MAP4K5: variants seen among roughly 807,000 people sequenced by gnomAD.
MAP4K5 encodes MAPK/ERK kinase kinase kinase 5.
In MAP4K5, 82 loss-of-function variants were observed where a neutral mutation model predicts 135.6. That is an observed-to-expected ratio of 0.60 (90% CI 0.51 to 0.73). The LOEUF (loss-of-function observed/expected upper bound fraction) is 0.73. Ranked by LOEUF, MAP4K5 falls within the 30% of genes least tolerant of loss-of-function variation. The pLI is 0.00. For missense variants in MAP4K5, 907 were observed against 1,010.9 expected (o/e 0.90, Z 1.39); for synonymous variants, 347 against 335.0 (o/e 1.04, Z -0.39).
At chr14:50,487,452 A>G (rs1432398028) in intron 3 of MAP4K5, among the ~76,000 whole-genome samples, 1 of 152,216 alleles carries the variant, frequency 6.6e-6, no homozygotes, top group African/African-American at 2.4e-5. Context: ...CATGTTAGCA[A>G]TTTTAAAGGG....
In MAP4K5 at chr14:50,532,511, C is replaced by T. The variant is rs1302443908; in HGVS notation, c.-173G>A. 6.6e-6 allele frequency: 1 copy of T among 152,330 alleles called. No homozygotes were observed. Among genetic ancestry groups the T allele is most frequent in the African/African-American group, 2.4e-5 (1 of 41,394 alleles). 9.4% of individuals were successfully genotyped at this position (152,330 alleles called of 1,614,324 possible). ...CCGGCAGCTCCGGGTTTGCCGTCGC[C>T]GCCGCCGCCACTCAGCCGCTGCACG... On this transcript the variant is annotated 5_prime_UTR_variant, in exon 1 of 33. Transcript: ENST00000682126.
intron 3 of MAP4K5, among the ~76,000 whole-genome samples, chr14:50,498,149 C>T (rs968217258): frequency 6.6e-6 from 1 of 152,126 alleles, no homozygotes; most frequent in Non-Finnish European, 1.5e-5. Context: ...GAAATTCAGA[C>T]AGAAGACAGG....
At chr14:50,515,445 T>C (rs1364609705) in intron 2 of MAP4K5, among the ~76,000 whole-genome samples, 3 of 152,192 alleles carry the variant, frequency 2.0e-5, no homozygotes, top group Non-Finnish European at 4.4e-5. Context: ...CATTTCTCCA[T>C]GACCACCAAT....
intron 2 of MAP4K5, among the ~76,000 whole-genome samples, chr14:50,526,661 C>A (rs2038272056): frequency 6.6e-6 from 1 of 152,176 alleles, no homozygotes; most frequent in South Asian, 2.1e-4. Flanking sequence ...ATGTTTGCAT[C>A]CCCATATCCT....
chr14:50,533,453 T>C (rs2038448730), upstream of MAP4K5: 1 of 152,136 alleles, frequency 6.6e-6, no homozygotes, highest in African/African-American at 2.4e-5. Flanking sequence ...TAAGAGGTCT[T>C]AAAATACTTA....
rs1193812751 is a variant in MAP4K5 at position 50,476,168 on chromosome 14, AC to A, written c.428del (p.Gly143ValfsTer6). On this transcript the variant is annotated frameshift_variant and splice_region_variant, in exon 8 of 33. Transcript: ENST00000682126. LOFTEE classifies it high-confidence loss of function. ...TKGKMHRDIK[G>X]ANILLTDHGD... ...CATGGTCTGTCAATAAAATATTAGC[AC>A]CCTAGAACAAAAATACAAATACAAT... 6.6e-7 allele frequency: 1 copy of A among 1,508,320 alleles called. No homozygotes were observed. Among genetic ancestry groups the A allele is most frequent in the Non-Finnish European group, 8.9e-7 (1 of 1,119,834 alleles). 93.4% of individuals were successfully genotyped at this position (1,508,320 alleles called of 1,614,324 possible). A position where few individuals can be genotyped will look rare whatever the true frequency, so the allele number is the denominator to read the frequency against.
At chr14:50,521,644 T>C (rs1270634730) in intron 2 of MAP4K5, among the ~76,000 whole-genome samples, 1 of 152,212 alleles carries the variant, frequency 6.6e-6, no homozygotes, top group East Asian at 1.9e-4. Flanking sequence ...TCCAATTTCA[T>C]TTTCATAAAT....
intron 6 of MAP4K5, among the ~76,000 whole-genome samples, chr14:50,480,347 T>C (rs2037209451): frequency 6.6e-6 from 1 of 152,038 alleles, no homozygotes; most frequent in African/African-American, 2.4e-5. Context: ...AATTCAGTTA[T>C]TACTGACTAT....
At chr14:50,454,004 A>G (rs897889442) in intron 14 of MAP4K5, among the ~76,000 whole-genome samples, 4 of 152,192 alleles carry the variant, frequency 2.6e-5, no homozygotes, top group Non-Finnish European at 1.5e-5. Context: ...CAGTAGTCAT[A>G]ATAGCCCAAA....
chr14:50,553,442 T>TAA (rs547797971), intron 1 of MAP4K5, among the ~76,000 whole-genome samples: 2 of 150,706 alleles, frequency 1.3e-5, no homozygotes, highest in African/African-American at 4.9e-5. Flanking sequence ...ATTTAAAAAT[T>TAA]AAAAAAAAAT....
intron 3 of MAP4K5, among the ~76,000 whole-genome samples, chr14:50,502,239 G>A (rs3825572): frequency 0.025 from 3,753 of 152,204 alleles, 58 homozygotes; most frequent in East Asian, 0.069. Flanking sequence ...AGCATAAATG[G>A]GTTAATAACA....
intron 3 of MAP4K5, among the ~76,000 whole-genome samples, chr14:50,496,801 C>G (rs1227372763): frequency 2.0e-5 from 3 of 151,312 alleles, no homozygotes; most frequent in Non-Finnish European, 4.4e-5. Flanking sequence ...GTGTGAACCA[C>G]CGCTCCCAGA....
At chr14:50,420,672 C>T (rs2035708723) in intron 32 of MAP4K5, among the ~76,000 whole-genome samples, 1 of 151,904 alleles carries the variant, frequency 6.6e-6, no homozygotes, top group South Asian at 2.1e-4. Flanking sequence ...CTCATTTATG[C>T]CAACAAAAGG....
intron 3 of MAP4K5, among the ~76,000 whole-genome samples, chr14:50,496,476 A>G (rs563178237): frequency 4.1e-4 from 63 of 152,254 alleles, no homozygotes; most frequent in African/African-American, 1.4e-3. Flanking sequence ...ATGAATATAT[A>G]TATACACACA....
At chr14:50,497,236 A>G (rs2037614262) in intron 3 of MAP4K5, among the ~76,000 whole-genome samples, 1 of 152,216 alleles carries the variant, frequency 6.6e-6, no homozygotes, top group Non-Finnish European at 1.5e-5. Flanking sequence ...CATTGAGCAT[A>G]ATGAATGTAC....
In MAP4K5 at chr14:50,443,702, A is replaced by C. The variant is rs61984270; in HGVS notation, c.1479+27T>G. 5.9e-3 allele frequency: 9,188 copies of C among 1,567,656 alleles called. 39 individuals carry two copies. The highest frequency in any genetic ancestry group is 6.7e-3 in the Non-Finnish European group (7,816 of 1,164,524). ...GCTTCTAAAGAGAGAAAAAACGGCA[A>C]ATAGTTCACATAAAAATATTCCTTA... On this transcript the variant is annotated intron_variant, in intron 20 of 32. Coordinates refer to ENST00000682126, the MANE Select transcript of MAP4K5 (RefSeq NM_006575.6).
chr14:50,527,234 G>C (rs1212560176), intron 2 of MAP4K5, among the ~76,000 whole-genome samples: 1 of 152,114 alleles, frequency 6.6e-6, no homozygotes, highest in Non-Finnish European at 1.5e-5. Flanking sequence ...AGCTACTCAG[G>C]AGGCTGAGGC....
chr14:50,502,732 G>C (rs1027879162), intron 3 of MAP4K5, among the ~76,000 whole-genome samples: 4 of 151,940 alleles, frequency 2.6e-5, no homozygotes, highest in African/African-American at 9.7e-5. Context: ...AGTAGGAATA[G>C]AAAAAAGAAA....
At chr14:50,514,831 T>C (rs1316074989) in intron 2 of MAP4K5, among the ~76,000 whole-genome samples, 1 of 72,216 alleles carries the variant, frequency 1.4e-5, no homozygotes, top group Non-Finnish European at 3.6e-5. Context: ...TAAGATTCCT[T>C]TGATGCTCAG....
Sources: allele counts gnomAD v4.1 joint callset (sites outside exome capture counted in the v4.1 genomes callset), GRCh38; gene constraint gnomAD v4.1.1; transcripts MANE v1.5; gene names NCBI Gene and HGNC (gene_info 2026-07-23, HGNC 2026-07-21).